ERG: variants seen among roughly 807,000 people sequenced by gnomAD.
ERG encodes ETS transcription factor ERG.
ERG carries 9 observed loss-of-function variants against 55.3 expected under a neutral mutation model. The ratio of observed to expected loss-of-function variants is 0.16; its 90% confidence interval spans 0.10 to 0.28. The LOEUF is 0.28. Ranked by LOEUF, ERG falls within the 10% of genes least tolerant of loss-of-function variation. The pLI is 1.00. For missense variants in ERG, 434 were observed against 631.6 expected (o/e 0.69, Z 3.35); for synonymous variants, 223 against 237.3 (o/e 0.94, Z 0.55).
At chr21:38,497,454 T>A (rs1436500922) in intron 1 of ERG, among the ~76,000 whole-genome samples, 1 of 152,210 alleles carries the variant, frequency 6.6e-6, no homozygotes, top group Non-Finnish European at 1.5e-5. Flanking sequence ...TTTCTACAAA[T>A]GTCACGAAGG....
chr21:38,600,314 T>G (rs923478222), intron 1 of ERG, among the ~76,000 whole-genome samples: 1 of 152,214 alleles, frequency 6.6e-6, no homozygotes, highest in African/African-American at 2.4e-5. Context: ...TGCAGGCCAG[T>G]AGCTGGGAGA....
chr21:38,372,468 A>G, the ERG span, among the ~76,000 whole-genome samples: 17 of 151,930 alleles, frequency 1.1e-4, no homozygotes, highest in Admixed American at 2.0e-4. Flanking sequence ...ATTTCAATAT[A>G]AATATTTAGG....
chr21:38,420,679 A>G (rs2836382), intron 3 of ERG, among the ~76,000 whole-genome samples: 36,419 of 152,118 alleles, frequency 0.24, 4,477 homozygotes, highest in South Asian at 0.3. Context: ...TTTTCTAAAT[A>G]CTTTCCTTAG....
At chr21:38,485,467 T>C (rs1347957143) in intron 1 of ERG, among the ~76,000 whole-genome samples, 1 of 149,826 alleles carries the variant, frequency 6.7e-6, no homozygotes, top group Non-Finnish European at 1.5e-5. Flanking sequence ...CAGTCTTTTT[T>C]TTTTTTTTTT....
At chr21:38,571,361 A>T (rs1017884511) in intron 2 of ERG, among the ~76,000 whole-genome samples, 3 of 152,080 alleles carry the variant, frequency 2.0e-5, no homozygotes, top group African/African-American at 7.2e-5. Context: ...AAAAATAAAA[A>T]TTAGCTGGGT....
intron 2 of ERG, among the ~76,000 whole-genome samples, chr21:38,433,062 T>C (rs531536591): frequency 2.3e-3 from 350 of 152,316 alleles, no homozygotes; most frequent in Non-Finnish European, 4.0e-3. Flanking sequence ...GCAATGTTTA[T>C]GTAGAGATAT....
At chr21:38,606,267 G>A (rs745770827) in intron 1 of ERG, among the ~76,000 whole-genome samples, 1 of 152,166 alleles carries the variant, frequency 6.6e-6, no homozygotes, top group Non-Finnish European at 1.5e-5. Flanking sequence ...GTAGATAGGT[G>A]ACTGATAGAT....
intron 1 of ERG, among the ~76,000 whole-genome samples, chr21:38,492,846 G>C (rs2059348001): frequency 1.3e-5 from 2 of 152,032 alleles, no homozygotes; most frequent in South Asian, 4.1e-4. Context: ...AGGTCACAGT[G>C]GACCACTAGC....
intron 1 of ERG, chr21:38,660,715 G>C (rs1157678081): frequency 6.6e-6 from 1 of 151,920 alleles, no homozygotes; most frequent in Non-Finnish European, 1.5e-5. Context: ...CCCGCCAATC[G>C]CGGAGCAGGG....
intron 1 of ERG, among the ~76,000 whole-genome samples, chr21:38,468,982 C>CAAAAAAAAA (rs1261630693): frequency 0.01 from 297 of 28,882 alleles, 24 homozygotes; most frequent in Non-Finnish European, 0.014. Context: ...GACTCTGTCT[C>CAAAAAAAAA]AAAAAAAAAA....
chr21:38,596,861 G>A (rs553586341), intron 1 of ERG, among the ~76,000 whole-genome samples: 6 of 152,252 alleles, frequency 3.9e-5, no homozygotes, highest in African/African-American at 1.2e-4. Flanking sequence ...TAAGGCATGG[G>A]GTGGACCAAC....
chr21:38,556,127 G>GA (rs558448415), intron 2 of ERG, among the ~76,000 whole-genome samples: 10 of 149,498 alleles, frequency 6.7e-5, no homozygotes, highest in Non-Finnish European at 1.0e-4. Context: ...TAGGGACATG[G>GA]AAAAAAAAAT....
intron 3 of ERG, among the ~76,000 whole-genome samples, chr21:38,406,398 G>T (rs1988775882): frequency 1.3e-5 from 2 of 152,154 alleles, no homozygotes; most frequent in South Asian, 2.1e-4. Context: ...CATTGGCTGA[G>T]AATTTGGCTT....
At chr21:38,643,389 T>C (rs1421383550) in intron 1 of ERG, among the ~76,000 whole-genome samples, 1 of 152,134 alleles carries the variant, frequency 6.6e-6, no homozygotes, top group African/African-American at 2.4e-5. Flanking sequence ...GTGCACCCCA[T>C]GACACTCGCT....
chr21:38,636,875 A>C (rs2060392572), intron 1 of ERG, among the ~76,000 whole-genome samples: 1 of 152,244 alleles, frequency 6.6e-6, no homozygotes, highest in Admixed American at 6.5e-5. Flanking sequence ...TTATTCAAAA[A>C]TATTTATTAG....
chr21:38,636,076 G>T (rs906503767), intron 1 of ERG, among the ~76,000 whole-genome samples: 1 of 152,036 alleles, frequency 6.6e-6, no homozygotes, highest in African/African-American at 2.4e-5. Context: ...TCTCAAGATA[G>T]TGAGTGAGTT....
chr21:38,373,206 A>T, the ERG span, among the ~76,000 whole-genome samples: 1 of 152,238 alleles, frequency 6.6e-6, no homozygotes, highest in African/African-American at 2.4e-5. Context: ...ATAATGGTCT[A>T]GGTCCCCATT....
Position 38,383,570 on chromosome 21 carries a change from G to A in ERG, c.1273C>T (p.Pro425Ser). The A allele has an allele frequency of 6.2e-7, 1 of 1,602,824 alleles. No homozygotes were observed. The highest frequency in any genetic ancestry group is 1.7e-4 in the Middle Eastern group (1 of 6,012). The part of the protein sequence containing the change: ...LPYMGSYHAH[P>S]QKMNFVAPHP... Reference sequence around the variant, plus strand: ...GGCGCCACAAAGTTCATCTTCTGTGGGTGGGCGTGATAGGAGCCCATGTAC... The same window carrying A: ...GGCGCCACAAAGTTCATCTTCTGTGAGTGGGCGTGATAGGAGCCCATGTAC... The change falls in exon 10 of 10, where the codon CCA (proline) becomes TCA (serine). Residue 425 changes from proline to serine, a missense_variant. Physicochemically the swap from Pro to Ser is moderately conservative, Grantham distance 74 (BLOSUM62 -1). This residue lies in a region of ERG where 107 missense variants were observed against 126.8 expected (regional missense o/e 0.84). Coordinates refer to ENST00000288319, the MANE Select transcript of ERG (RefSeq NM_182918.4). The surrounding 1 kb of genome is among the most constrained non-coding windows in gnomAD (Gnocchi z 5.7).
intron 1 of ERG, among the ~76,000 whole-genome samples, chr21:38,618,505 G>A (rs879783576): frequency 1.3e-5 from 2 of 152,140 alleles, no homozygotes; most frequent in Admixed American, 6.5e-5. Context: ...TAACTATAAG[G>A]TCCCTAAGTG....
Sources: gnomAD v4.1 joint callset for allele counts (sites outside exome capture counted in the v4.1 genomes callset) on GRCh38, gnomAD v4.1.1 for gene constraint, gnomAD v4.1.1 regional missense constraint, Gnocchi (gnomAD v3.1) non-coding constraint, MANE v1.5 for transcripts, NCBI Gene and HGNC (gene_info 2026-07-23, HGNC 2026-07-21) for gene names.